Variants in WDR19 observed in about 807,000 individuals in gnomAD.
WDR19 encodes the protein WD repeat domain 19.
In WDR19, 121 loss-of-function variants were observed where a neutral mutation model predicts 180.0. That is an observed-to-expected ratio of 0.67 (90% confidence interval 0.58 to 0.78). The LOEUF is 0.78. WDR19 is among the 30% of genes least tolerant of loss of function. The pLI is 0.00. For missense variants in WDR19, 1,450 were observed against 1,640.7 expected, an observed-to-expected ratio of 0.88 and a Z score of 2.01; for synonymous variants, 497 against 540.7, an observed-to-expected ratio of 0.92 and a Z score of 1.12.
Position 39,270,101 on chromosome 4 carries a change from G to A in WDR19, c.3483+1G>A. The A allele has an allele frequency of 1.9e-6, 3 of 1,613,616 alleles. No individual in the cohort carries two copies. The highest frequency in any genetic ancestry group is 2.5e-6 in the Non-Finnish European group (3 of 1,179,754). ...TCTGCACAGCTATATACTAGTAAAGGTGAGGCCCATGGAGTGACTTGGGAC... is the reference window on the plus strand; with the variant it reads ...TCTGCACAGCTATATACTAGTAAAGATGAGGCCCATGGAGTGACTTGGGAC... On this transcript the variant is annotated splice_donor_variant, in intron 31 of 36. Coordinates refer to ENST00000399820, the MANE Select transcript of WDR19 (RefSeq NM_025132.4). LOFTEE classifies it high-confidence loss of function.
At chr4:39,203,527 C>T in intron 6 of WDR19, 115 bp from the exon 7 acceptor site, 1 of 780,924 alleles carries the variant, frequency 1.3e-6, no homozygotes, top group Middle Eastern at 2.3e-4. Flanking sequence ...GTAGGATTTT[C>T]AGGTTCTTAG....
chr4:39,190,576 A>G (rs1240573915), intron 4 of WDR19, among the ~76,000 whole-genome samples: 1 of 152,188 alleles, frequency 6.6e-6, no homozygotes, highest in Non-Finnish European at 1.5e-5. Flanking sequence ...GTGGGGAGGA[A>G]GAGATCATAT....
At chr4:39,248,250 C>G (rs949303756) in intron 24 of WDR19, among the ~76,000 whole-genome samples, 1 of 152,108 alleles carries the variant, frequency 6.6e-6, no homozygotes, top group African/African-American at 2.4e-5. Context: ...TCCAGCCAAA[C>G]TAAGCTTCAT....
intron 31 of WDR19, among the ~76,000 whole-genome samples, chr4:39,272,033 GT>G (rs1250180624): frequency 6.6e-6 from 1 of 152,202 alleles, no homozygotes; most frequent in Admixed American, 6.5e-5. Flanking sequence ...TGCATCTGGA[GT>G]TATAACTTGC....
intron 9 of WDR19, among the ~76,000 whole-genome samples, chr4:39,213,695 A>G (rs1415896619): frequency 6.6e-6 from 1 of 152,218 alleles, no homozygotes; most frequent in Non-Finnish European, 1.5e-5. Flanking sequence ...TGTGTGAGAA[A>G]GTTACTAAAC....
At chr4:39,248,956 G>A (rs1211961737) in intron 24 of WDR19, among the ~76,000 whole-genome samples, 2 of 152,094 alleles carry the variant, frequency 1.3e-5, no homozygotes, top group African/African-American at 2.4e-5. Flanking sequence ...GAGACAGAAA[G>A]TTAACAAGGA....
intron 4 of WDR19, among the ~76,000 whole-genome samples, chr4:39,191,660 C>G (rs531013093): frequency 6.6e-6 from 1 of 152,274 alleles, no homozygotes; most frequent in Admixed American, 6.5e-5. Context: ...AGAGAAAACC[C>G]TATACATAAC....
At position 39,270,293 on chromosome 4, in the gene WDR19, T is replaced by C. The variant is rs3733281; in HGVS notation, c.3483+193T>C. Among the ~76,000 whole-genome samples the C allele has an allele frequency of 0.5, 76,738 of 152,102 alleles. 20,766 individuals are homozygous for C. The highest frequency in any genetic ancestry group is 0.71 in the African/African-American group (29,491 of 41,510). On this transcript the variant is annotated intron_variant, in intron 31 of 36. Transcript: ENST00000399820. The stretch of plus-strand genomic sequence containing the variant: ...ATGAGGCACGGGGCAGGAGGCACAG[T>C]ACCAAACTCCAGTGTGGGGACAGGG...
Position 39,185,806 on chromosome 4 carries a change from T to G in WDR19, c.87T>G (p.Leu29=), listed in dbSNP as rs1725455344. 6.4e-7 allele frequency: 1 copy of G among 1,552,540 alleles called. No homozygotes were observed. The highest frequency in any genetic ancestry group is 1.2e-5 in the South Asian group (1 of 84,080). The change falls in exon 2 of 37, where the codon CTT becomes CTG. Residue 29 remains leucine, a synonymous_variant. Coordinates refer to ENST00000399820, the MANE Select transcript of WDR19 (RefSeq NM_025132.4). ...GGCAAAAAACATCAGGAAACTACCTTGCAGTAACAGGGTAAGAAACCAATG... is the reference window on the plus strand; with the variant it reads ...GGCAAAAAACATCAGGAAACTACCTGGCAGTAACAGGGTAAGAAACCAATG... ...FAWQKTSGNY[L]AVTGADYIVK...
Position 39,245,461 on chromosome 4 carries a change from A to C in WDR19, c.2729+9A>C, listed in dbSNP as rs777646893. ...AAGGAAGCAGATGGAAGGTTTGTAC[A>C]CTTTCTCAAATTTATACCAATTTAA... On this transcript the variant is annotated intron_variant, in intron 24 of 36. Coordinates refer to ENST00000399820, the MANE Select transcript of WDR19 (RefSeq NM_025132.4). 6.2e-7 allele frequency: 1 copy of C among 1,610,934 alleles called. No homozygotes were observed.
intron 24 of WDR19, among the ~76,000 whole-genome samples, chr4:39,247,662 G>A (rs896794326): frequency 6.6e-6 from 1 of 152,258 alleles, no homozygotes; most frequent in Admixed American, 6.5e-5. Flanking sequence ...GTCCTTAAAG[G>A]ACCCGATGGA....
intron 15 of WDR19, among the ~76,000 whole-genome samples, chr4:39,226,431 C>T (rs1730261467): frequency 6.6e-6 from 1 of 152,168 alleles, no homozygotes; most frequent in Non-Finnish European, 1.5e-5. Flanking sequence ...TGCATGTAAG[C>T]TTTTAGTATA....
intron 9 of WDR19, among the ~76,000 whole-genome samples, chr4:39,207,676 A>C (rs1268088973): frequency 2.0e-5 from 3 of 152,194 alleles, no homozygotes; most frequent in Non-Finnish European, 4.4e-5. Flanking sequence ...AATGAAAGTG[A>C]AATAAAAGCA....
At chr4:39,196,550 G>A (rs185810050) in intron 5 of WDR19, among the ~76,000 whole-genome samples, 4 of 152,122 alleles carry the variant, frequency 2.6e-5, no homozygotes, top group Non-Finnish European at 4.4e-5. Flanking sequence ...GAATCCAGCC[G>A]GTCTCACCAT....
chr4:39,218,466 T>A (rs932345035), intron 14 of WDR19: 20 of 191,130 alleles, frequency 1.0e-4, no homozygotes, highest in Non-Finnish European at 1.8e-4. Flanking sequence ...CAATGCTATC[T>A]AGACATAGAC....
At chr4:39,248,646 G>A (rs1732795373) in intron 24 of WDR19, among the ~76,000 whole-genome samples, 1 of 152,006 alleles carries the variant, frequency 6.6e-6, no homozygotes, top group South Asian at 2.1e-4. Context: ...CAAAATAAAG[G>A]GATGGAGGAA....
At chr4:39,248,946 G>A (rs1176659192) in intron 24 of WDR19, among the ~76,000 whole-genome samples, 3 of 152,106 alleles carry the variant, frequency 2.0e-5, no homozygotes, top group East Asian at 1.9e-4. Flanking sequence ...ACAGATCAAC[G>A]AGACAGAAAG....
chr4:39,269,713 A>G (rs1735157256), intron 30 of WDR19, among the ~76,000 whole-genome samples: 2 of 152,134 alleles, frequency 1.3e-5, no homozygotes, highest in African/African-American at 2.4e-5. Context: ...CAGGCATGGG[A>G]GGATCACTTG....
At chr4:39,244,074 G>GT (rs1359587716) in intron 21 of WDR19, among the ~76,000 whole-genome samples, 174 bp from the exon 22 acceptor site, 255 of 148,288 alleles carry the variant, frequency 1.7e-3, no homozygotes, top group African/African-American at 6.1e-3. Context: ...TAATAGCTGG[G>GT]TTTTTTTAAA....
Sources: gnomAD v4.1 joint callset for allele counts (sites outside exome capture counted in the v4.1 genomes callset) on GRCh38, gnomAD v4.1.1 for gene constraint, MANE v1.5 for transcripts, NCBI Gene and HGNC (gene_info 2026-07-23, HGNC 2026-07-21) for gene names.